EYS: variants seen among roughly 807,000 people sequenced by gnomAD.
The protein encoded by EYS is EGF-like photoreceptor maintenance factor.
EYS carries 250 observed loss-of-function variants against 282.1 expected under a neutral mutation model. The observed-to-expected ratio is 0.89, with a 90% CI of 0.80 to 0.98. EYS has a LOEUF of 0.98. Among genes scored for constraint, EYS ranks in the 50% least tolerant of loss-of-function variants. EYS has a pLI of 0.00. For missense variants in EYS, 4,016 were observed against 3,709.0 expected (o/e 1.08, Z -2.15); for synonymous variants, 1,355 against 1,282.9 (o/e 1.06, Z -1.20).
chr6:64,082,624 A>G (rs1229879660), intron 31 of EYS, among the ~76,000 whole-genome samples: 2 of 152,136 alleles, frequency 1.3e-5, no homozygotes, highest in African/African-American at 4.8e-5. Flanking sequence ...ACACAGAGGA[A>G]TTTTATTAAT....
rs573769519 is a variant in EYS, at chr6:64,777,532, C to A, written c.3443+35846G>T. Among the ~76,000 whole-genome samples the A allele has an allele frequency of 3.9e-5, 6 of 152,156 alleles. No individual in the cohort carries two copies. In the East Asian group the frequency reaches 9.7e-4, roughly 24 times the overall value. The stretch of plus-strand genomic sequence containing the variant: ...CAAGAAGTAATGAACGGGTTTGGGG[C>A]TTTTCTTAATGTGTTTTATACTTGC... On this transcript the variant is annotated intron_variant, in intron 22 of 42. Coordinates refer to ENST00000503581, the MANE Select transcript of EYS (RefSeq NM_001142800.2).
intron 8 of EYS, among the ~76,000 whole-genome samples, chr6:65,361,364 A>C (rs1332218871): frequency 3.1e-4 from 5 of 15,984 alleles, no homozygotes; most frequent in Non-Finnish European, 7.5e-4. Flanking sequence ...AAAGTATAAT[A>C]AAAAAAAAGA....
chr6:65,288,434 T>C (rs1768430796), intron 12 of EYS, among the ~76,000 whole-genome samples: 1 of 150,298 alleles, frequency 6.7e-6, no homozygotes, highest in South Asian at 2.1e-4. Flanking sequence ...GAATACGAGA[T>C]AGATACAAAC....
intron 30 of EYS, among the ~76,000 whole-genome samples, chr6:64,289,710 C>G (rs902625632): frequency 6.6e-6 from 1 of 151,888 alleles, no homozygotes; most frequent in Non-Finnish European, 1.5e-5. Flanking sequence ...ATAATCTGAC[C>G]ATCAGTAGTA....
chr6:65,648,114 T>C (rs984056689), intron 1 of EYS, among the ~76,000 whole-genome samples: 2 of 152,144 alleles, frequency 1.3e-5, no homozygotes, highest in African/African-American at 4.8e-5. Flanking sequence ...TGGAAAACAA[T>C]GTGGAGATTC....
In EYS at chr6:65,057,536, A is replaced by AATGAGTTCAG. The variant is rs1773451971; in HGVS notation, c.2137+68_2137+77dup. The AATGAGTTCAG allele has an allele frequency of 9.2e-6, 8 of 870,696 alleles. No homozygotes were observed. In the South Asian group the frequency reaches 1.0e-4, roughly 11 times the overall value. 53.9% of individuals were successfully genotyped at this position (870,696 alleles called of 1,614,324 possible). Reference sequence around the variant, plus strand: ...ACTAATAATGTTGTTGGAAGACTGAAATGAGTTCAGACAAGAGACAGAAGT... The same window carrying AATGAGTTCAG: ...ACTAATAATGTTGTTGGAAGACTGAAATGAGTTCAGATGAGTTCAGACAAGAGACAGAAGT... On this transcript the variant is annotated intron_variant, in intron 13 of 42. Transcript: ENST00000503581.
intron 35 of EYS, among the ~76,000 whole-genome samples, chr6:63,907,993 C>T (rs1286883846): frequency 2.7e-5 from 2 of 73,122 alleles, no homozygotes; most frequent in African/African-American, 1.1e-4. Flanking sequence ...TATGTACACA[C>T]ACACACACAC....
intron 14 of EYS, among the ~76,000 whole-genome samples, chr6:64,955,296 T>TATA (rs1478284126): frequency 3.3e-5 from 5 of 151,080 alleles, no homozygotes; most frequent in Non-Finnish European, 7.4e-5. Context: ...ATAATGAAAA[T>TATA]ATACGACACT....
At chr6:64,836,590 T>C (rs1364077374) in intron 19 of EYS, among the ~76,000 whole-genome samples, 1 of 151,574 alleles carries the variant, frequency 6.6e-6, no homozygotes, top group Non-Finnish European at 1.5e-5. Context: ...AGCATAATTT[T>C]ACCAAAATTT....
intron 36 of EYS, among the ~76,000 whole-genome samples, chr6:63,850,380 T>C (rs773147515): frequency 1.8e-4 from 27 of 152,078 alleles, no homozygotes; most frequent in Non-Finnish European, 3.7e-4. Flanking sequence ...AATCATCAGA[T>C]TCACCAAGAT....
chr6:65,436,773 TA>T lies in EYS; in HGVS notation c.863-31407del, dbSNP rs141172164. On this transcript the variant is annotated intron_variant, in intron 5 of 42. Transcript: ENST00000503581. Reference sequence around the variant, plus strand: ...AAGATGTTCAAGATATGTATGAAGATAATTATAAATCTTTCTTGAAATAAAA... The same window carrying T: ...AAGATGTTCAAGATATGTATGAAGATATTATAAATCTTTCTTGAAATAAAA... Among the ~76,000 whole-genome samples the T allele has an allele frequency of 9.9e-3, 1,509 of 152,260 alleles. 25 individuals are homozygous for T. The highest frequency in any genetic ancestry group is 0.034 in the African/African-American group (1,416 of 41,574).
rs563564819 is a variant in EYS at position 64,024,190 on chromosome 6, C to T, written c.6726-25007G>A. Among the ~76,000 whole-genome samples the T allele has an allele frequency of 1.1e-3, 172 of 152,344 alleles. 3 individuals are homozygous for T. Among genetic ancestry groups the T allele is most frequent in the Admixed American group, 4.6e-4 (7 of 15,310 alleles). On this transcript the variant is annotated intron_variant, in intron 33 of 42. Transcript: ENST00000503581. ...TGCGGGATCCACTGGGTGAAGCCAG[C>T]GGGGCTCCTGAGTCTGGTGGGGACT...
intron 1 of EYS, among the ~76,000 whole-genome samples, chr6:65,665,828 G>A (rs1465748667): frequency 6.6e-6 from 1 of 151,888 alleles, no homozygotes; most frequent in African/African-American, 2.4e-5. Context: ...GATAAGTATG[G>A]ATAAACTTTG....
Position 63,720,711 on chromosome 6 carries a change from T to A in EYS, c.9320A>T (p.Asn3107Ile). ...AACATCTTTAATTTTGCCAACAAAA[T>A]TGGTTTTAAAAATCTCTTGAGTAAC... Reference protein sequence around the residue: ...NIVTQEIFKTNFVGKIKDVVF... With the variant: ...NIVTQEIFKTIFVGKIKDVVF... Residue 3107 changes from asparagine (N) to isoleucine (I), a missense_variant, in exon 43 of 43, where the codon AAT becomes ATT. Coordinates refer to ENST00000503581, the MANE Select transcript of EYS (RefSeq NM_001142800.2). 6.5e-7 allele frequency: 1 copy of A among 1,548,858 alleles called. No individual in the cohort carries two copies. The highest frequency in any genetic ancestry group is 8.7e-7 in the Non-Finnish European group (1 of 1,145,876).
At chr6:64,559,253 G>T (rs1039594374) in intron 26 of EYS, among the ~76,000 whole-genome samples, 4 of 143,752 alleles carry the variant, frequency 2.8e-5, no homozygotes, top group African/African-American at 1.0e-4. Flanking sequence ...TTCCTTCTTT[G>T]TATGTGTGTG....
At chr6:65,341,516 T>C (rs1401072739) in intron 10 of EYS, among the ~76,000 whole-genome samples, 1 of 151,086 alleles carries the variant, frequency 6.6e-6, no homozygotes, top group Non-Finnish European at 1.5e-5. Context: ...AAGGGAAAAA[T>C]CCTCATGAGG....
chr6:63,949,624 A>G (rs1342455802), intron 35 of EYS, among the ~76,000 whole-genome samples: 1 of 152,190 alleles, frequency 6.6e-6, no homozygotes, highest in Non-Finnish European at 1.5e-5. Flanking sequence ...CTGTCTGCTG[A>G]TATGCCTCTC....
intron 12 of EYS, among the ~76,000 whole-genome samples, chr6:65,061,037 T>C (rs1773560689): frequency 6.6e-6 from 1 of 151,756 alleles, no homozygotes; most frequent in Admixed American, 6.6e-5. Context: ...AATAATAAAA[T>C]TCCAAATGAT....
intron 15 of EYS, among the ~76,000 whole-genome samples, chr6:64,915,787 G>C (rs979971999): frequency 6.6e-6 from 1 of 152,252 alleles, no homozygotes; most frequent in Non-Finnish European, 1.5e-5. Flanking sequence ...ATGTAGAAGA[G>C]ATATTCTTTT....
Sources: gnomAD v4.1 joint callset for allele counts (sites outside exome capture counted in the v4.1 genomes callset) on GRCh38, gnomAD v4.1.1 for gene constraint, MANE v1.5 for transcripts, NCBI Gene and HGNC (gene_info 2026-07-23, HGNC 2026-07-21) for gene names.